The following FBN1 variants were observed in gnomAD, a reference collection of about 807,000 sequenced individuals.
FBN1 encodes the protein fibrillin 1.
FBN1 carries 29 observed loss-of-function variants against 365.1 expected under a neutral mutation model. The observed-to-expected ratio is 0.08, with a 90% CI of 0.06 to 0.11. FBN1 has a LOEUF of 0.11. Among genes scored for constraint, FBN1 ranks in the 10% least tolerant of loss-of-function variants. FBN1 has a pLI of 1.00. For synonymous variants in FBN1, 1,210 were observed against 1,270.5 expected (o/e 0.95, Z 1.01); for missense variants, 2,476 against 3,703.2 (o/e 0.67, Z 8.60).
chr15:48,460,857 C>T (rs959139749), intron 42 of FBN1, among the ~76,000 whole-genome samples: 1 of 152,128 alleles, frequency 6.6e-6, no homozygotes, highest in African/African-American at 2.4e-5. Context: ...GTCATATTCT[C>T]TCCCTCTCCC....
At chr15:48,535,593 T>G (rs1164628871) in intron 7 of FBN1, among the ~76,000 whole-genome samples, 1 of 152,256 alleles carries the variant, frequency 6.6e-6, no homozygotes, top group East Asian at 1.9e-4. Flanking sequence ...AAGCTTAATG[T>G]GCTCTTTAGT....
At chr15:48,640,119 T>C (rs185141940) in intron 2 of FBN1, among the ~76,000 whole-genome samples, 7 of 152,308 alleles carry the variant, frequency 4.6e-5, no homozygotes. Context: ...CTGTACTCCA[T>C]TTCCATCAGC....
At chr15:48,454,340 T>C (rs1430021051) in intron 44 of FBN1, among the ~76,000 whole-genome samples, 2 of 152,208 alleles carry the variant, frequency 1.3e-5, no homozygotes, top group African/African-American at 4.8e-5. Flanking sequence ...ATCATAAAAC[T>C]ACTGAAAACA....
At chr15:48,417,568 C>T (rs2141217299) in intron 63 of FBN1, among the ~76,000 whole-genome samples, 1 of 151,818 alleles carries the variant, frequency 6.6e-6, no homozygotes, top group East Asian at 1.9e-4. Flanking sequence ...GTCTGAAAAT[C>T]TTTTGTATCC....
intron 14 of FBN1, 88 bp from the exon 15 acceptor site, chr15:48,508,792 C>T (rs2043734329): frequency 6.6e-6 from 10 of 1,510,282 alleles, no homozygotes; most frequent in South Asian, 1.2e-5. Flanking sequence ...TCTGTTTCTT[C>T]GTATTTCTTT....
At chr15:48,452,781 T>C in intron 44 of FBN1, 97 bp from the exon 45 acceptor site, 9 of 1,393,980 alleles carry the variant, frequency 6.5e-6, no homozygotes, top group Non-Finnish European at 9.0e-6. Context: ...TTTATTTTGA[T>C]CTGTTCTATT....
At chr15:48,619,467 T>G (rs1167848516) in intron 2 of FBN1, among the ~76,000 whole-genome samples, 1 of 152,030 alleles carries the variant, frequency 6.6e-6, no homozygotes, top group South Asian at 2.1e-4. Context: ...CTTCTCTCCC[T>G]CCCTTCCTCA....
rs11634371 is a variant in FBN1 at position 48,417,448 on chromosome 15, T to C, written c.7820-1681A>G. 1.7e-3 allele frequency among the ~76,000 whole-genome samples: 158 copies of C among 91,552 alleles called. 1 individual carries two copies. Among genetic ancestry groups the C allele is most frequent in the African/African-American group, 6.7e-3 (149 of 22,122 alleles). The allele number at this position is 91,552 out of a possible 152,430, so 60.1% of individuals were successfully genotyped here. ...TTCCCCCCTCCCCTCCCCTCCCTCC[T>C]TTCCTTCCTTCCTTCCTTCCTTTCC... On this transcript the variant is annotated intron_variant, in intron 63 of 65. Coordinates refer to ENST00000316623, the MANE Select transcript of FBN1 (RefSeq NM_000138.5).
At chr15:48,599,599 T>C (rs1014088256) in intron 5 of FBN1, among the ~76,000 whole-genome samples, 7 of 151,054 alleles carry the variant, frequency 4.6e-5, no homozygotes, top group African/African-American at 1.5e-4. Context: ...CAGGGACTGG[T>C]AGAAAGTAGA....
chr15:48,503,883 G>A lies in FBN1; in HGVS notation c.2017C>T (p.Pro673Ser), dbSNP rs766346620. 72 of 1,614,058 alleles carry A rather than the reference G, an allele frequency of 4.5e-5. No homozygotes were observed. The highest frequency in any genetic ancestry group is 6.1e-5 in the Non-Finnish European group (72 of 1,180,040). Residue 673 changes from proline (P) to serine (S), a missense_variant, in exon 17 of 66, where the codon CCT (proline) becomes TCT (serine). Pro to Ser is a moderately conservative substitution (Grantham distance 74, BLOSUM62 -1). Transcript: ENST00000316623. ...GGYKRGQCIK[P>S]LFGAVTKSEC... ...GATTTAGTGACAGCACCAAACAAAG[G>A]TTTGATACACTGGCCTCTCTTGTAT...
At chr15:48,577,816 T>A (rs960348333) in intron 6 of FBN1, among the ~76,000 whole-genome samples, 1 of 152,186 alleles carries the variant, frequency 6.6e-6, no homozygotes, top group East Asian at 1.9e-4. Context: ...TAATAGGGCA[T>A]GATCGTCCTT....
At chr15:48,491,771 A>C (rs987167084) in intron 24 of FBN1, among the ~76,000 whole-genome samples, 1 of 152,256 alleles carries the variant, frequency 6.6e-6, no homozygotes, top group Non-Finnish European at 1.5e-5. Flanking sequence ...CCAGTGATCC[A>C]AGGGATATAC....
At position 48,474,116 on chromosome 15, in the gene FBN1, C is replaced by T. The variant is rs565943138; in HGVS notation, c.4210+139G>A. The T allele has an allele frequency of 8.3e-6, 11 of 1,324,530 alleles. No individual in the cohort carries two copies. The African/African-American group carries it at 1.0e-4, about 12-fold the overall frequency. 82.0% of individuals were successfully genotyped at this position (1,324,530 alleles called of 1,614,324 possible). ...TGACCTGGTTCCAATTTTTTTTTTC[C>T]CACAGAGCTCTAGTGCCAAATGATG... is the stretch of plus-strand genomic sequence containing the variant. On this transcript the variant is annotated intron_variant, in intron 34 of 65. Transcript: ENST00000316623.
At position 48,510,184 on chromosome 15, in the gene FBN1, TA is replaced by T; in HGVS notation, c.1589-16del. On this transcript the variant is annotated splice_polypyrimidine_tract_variant and intron_variant, in intron 13 of 65. Transcript: ENST00000316623. ...CTCATCAATGTCTAAAATCAAAGTT[TA>T]AAAAGAAGAAATAGCTTTATTTAGG... The T allele has an allele frequency of 6.2e-7, 1 of 1,612,318 alleles. No individual in the cohort carries two copies. The highest frequency in any genetic ancestry group is 1.1e-5 in the South Asian group (1 of 91,036).
intron 15 of FBN1, 121 bp downstream of exon 15, chr15:48,508,461 C>T: frequency 1.4e-6 from 2 of 1,411,622 alleles, no homozygotes; most frequent in Non-Finnish European, 2.0e-6. Context: ...TCAGGTTTCC[C>T]AAACCAAAAT....
At chr15:48,590,735 T>G (rs1438755806) in intron 6 of FBN1, among the ~76,000 whole-genome samples, 2 of 152,378 alleles carry the variant, frequency 1.3e-5, no homozygotes, top group South Asian at 2.1e-4. Flanking sequence ...CACTTTCAAC[T>G]GTTCTGCTTC....
At chr15:48,558,233 C>T (rs565030135) in intron 6 of FBN1, among the ~76,000 whole-genome samples, 1 of 152,312 alleles carries the variant, frequency 6.6e-6, no homozygotes, top group Admixed American at 6.5e-5. Context: ...AGAATATCTT[C>T]TTCCAGTTTA....
chr15:48,445,187 TATATATATAC>T, intron 48 of FBN1, among the ~76,000 whole-genome samples, 179 bp downstream of exon 48: 1 of 139,934 alleles, frequency 7.1e-6, no homozygotes, highest in East Asian at 2.3e-4. Context: ...TATATATGTA[TATATATATAC>T]ATATATATAT....
intron 9 of FBN1, among the ~76,000 whole-genome samples, chr15:48,522,853 T>C (rs1262114517): frequency 1.3e-5 from 2 of 152,222 alleles, no homozygotes; most frequent in Non-Finnish European, 2.9e-5. Flanking sequence ...ATAAATGTGC[T>C]TTCCAGAATT....
Sources: gnomAD v4.1 joint callset for allele counts (sites outside exome capture counted in the v4.1 genomes callset) on GRCh38, gnomAD v4.1.1 for gene constraint, MANE v1.5 for transcripts, NCBI Gene and HGNC (gene_info 2026-07-23, HGNC 2026-07-21) for gene names.